The following GLIS3 variants were observed in gnomAD, a reference collection of about 807,000 sequenced individuals.
GLIS3 encodes the protein GLIS family zinc finger 3, also known as zinc finger protein GLIS3.
In GLIS3, 53 loss-of-function variants were observed where a neutral mutation model predicts 78.6. The observed-to-expected ratio is 0.67, with a 90% CI of 0.54 to 0.85. GLIS3 has a LOEUF of 0.85. Ranked by LOEUF, GLIS3 falls within the 40% of genes least tolerant of loss-of-function variation. The pLI is 0.00. For missense variants in GLIS3, 1,703 were observed against 1,231.1 expected, an observed-to-expected ratio of 1.38 and a Z score of -5.74; for synonymous variants, 684 against 509.9, an observed-to-expected ratio of 1.34 and a Z score of -4.60.
At chr9:4,477,440 G>A in the GLIS3 span, among the ~76,000 whole-genome samples, 1 of 151,734 alleles carries the variant, frequency 6.6e-6, no homozygotes, top group Non-Finnish European at 1.5e-5. Flanking sequence ...TTGAGATAGG[G>A]GTCTCTCTTT....
chr9:3,900,168 G>A (rs1352862676), intron 6 of GLIS3, among the ~76,000 whole-genome samples: 1 of 144,500 alleles, frequency 6.9e-6, no homozygotes, highest in Non-Finnish European at 1.5e-5. Context: ...ATAAAGCCTT[G>A]ACTTGAACAG....
intron 4 of GLIS3, among the ~76,000 whole-genome samples, chr9:4,082,093 C>A (rs759274573): frequency 1.3e-5 from 2 of 152,222 alleles, no homozygotes; most frequent in Non-Finnish European, 2.9e-5. Flanking sequence ...ATTTCTAATG[C>A]ACTATGGTGT....
chr9:4,345,864 C>A (rs1357015384), intron 2 of GLIS3, among the ~76,000 whole-genome samples: 1 of 152,064 alleles, frequency 6.6e-6, no homozygotes. Context: ...GTCTTTTTTT[C>A]TTGTTGTTTT....
the GLIS3 span, among the ~76,000 whole-genome samples, chr9:4,484,339 GC>G: frequency 6.8e-6 from 1 of 146,726 alleles, no homozygotes; most frequent in African/African-American, 2.5e-5. Flanking sequence ...CCAAGTTCAA[GC>G]GATTATCCTG....
intron 2 of GLIS3, chr9:4,147,476 A>G (rs957781097): frequency 6.6e-6 from 1 of 152,126 alleles, no homozygotes; most frequent in Non-Finnish European, 1.5e-5. Context: ...TAGATTGTTT[A>G]TATCTTGCCC....
intron 2 of GLIS3, among the ~76,000 whole-genome samples, chr9:4,336,051 C>G (rs1021630850): frequency 6.6e-6 from 1 of 152,166 alleles, no homozygotes; most frequent in Non-Finnish European, 1.5e-5. Flanking sequence ...TAAGTCATTA[C>G]ACCTCTGTGG....
chr9:4,298,482 G>A (rs1816799135), intron 1 of GLIS3: 11 of 447,222 alleles, frequency 2.5e-5, no homozygotes, highest in South Asian at 1.6e-4. Context: ...CAGCTCCAGT[G>A]AGTAACTTGG....
chr9:3,949,858 A>C (rs569040003), intron 4 of GLIS3, among the ~76,000 whole-genome samples: 1 of 152,330 alleles, frequency 6.6e-6, no homozygotes, highest in Admixed American at 6.5e-5. Context: ...TGGATATAAG[A>C]ATCCAATCTG....
chr9:4,465,104 C>T, the GLIS3 span, among the ~76,000 whole-genome samples: 1 of 152,236 alleles, frequency 6.6e-6, no homozygotes, highest in Non-Finnish European at 1.5e-5. Context: ...ATCAACATTT[C>T]CCTCTCTCTT....
At chr9:4,478,343 C>G in the GLIS3 span, among the ~76,000 whole-genome samples, 1,271 of 152,308 alleles carry the variant, frequency 8.3e-3, 19 homozygotes, top group African/African-American at 0.028. Flanking sequence ...CGCAGTGGCT[C>G]AGACCTGTAT....
the GLIS3 span, among the ~76,000 whole-genome samples, chr9:4,353,781 A>G: frequency 1.9e-3 from 286 of 152,250 alleles, 8 homozygotes; most frequent in Admixed American, 0.016. Flanking sequence ...TCTGAATTAT[A>G]TGTGTTGAAC....
chr9:4,361,606 A>G, the GLIS3 span, among the ~76,000 whole-genome samples: 1 of 152,348 alleles, frequency 6.6e-6, no homozygotes, highest in African/African-American at 2.4e-5. Context: ...AAATCCTGGA[A>G]CAGAATCTAA....
Position 3,946,977 on chromosome 9 carries a change from G to A in GLIS3, c.1711-9788C>T, listed in dbSNP as rs185697032. On this transcript the variant is annotated intron_variant, in intron 4 of 10. Coordinates refer to ENST00000381971, the MANE Select transcript of GLIS3 (RefSeq NM_001042413.2). ...AGCAGGTCAAGCAGTTTCCCACGACGCCACGCCTCTGTCGGCCATCCTACA... is the reference window on the plus strand; with the variant it reads ...AGCAGGTCAAGCAGTTTCCCACGACACCACGCCTCTGTCGGCCATCCTACA... 3.8e-4 allele frequency among the ~76,000 whole-genome samples: 54 copies of A among 143,462 alleles called. No homozygotes were observed. In the East Asian group the frequency reaches 0.01, roughly 27 times the overall value. 94.1% of individuals were successfully genotyped at this position (143,462 alleles called of 152,430 possible).
At chr9:3,965,781 T>C (rs1347988253) in intron 4 of GLIS3, among the ~76,000 whole-genome samples, 4 of 152,168 alleles carry the variant, frequency 2.6e-5, no homozygotes, top group South Asian at 2.1e-4. Context: ...AGCTACTTAC[T>C]GGCCACCAAC....
the GLIS3 span, among the ~76,000 whole-genome samples, chr9:4,462,175 T>A: frequency 6.6e-6 from 1 of 152,176 alleles, no homozygotes; most frequent in South Asian, 2.1e-4. Flanking sequence ...AGGAGTCTTG[T>A]CATTTTATAA....
the GLIS3 span, among the ~76,000 whole-genome samples, chr9:4,427,773 C>T: frequency 2.0e-5 from 3 of 151,818 alleles, no homozygotes; most frequent in African/African-American, 2.4e-5. Flanking sequence ...GCACAAGAAT[C>T]GCTTGAATCC....
At chr9:4,260,612 G>A (rs948501158) in intron 2 of GLIS3, among the ~76,000 whole-genome samples, 2 of 151,600 alleles carry the variant, frequency 1.3e-5, no homozygotes, top group Admixed American at 6.6e-5. Flanking sequence ...TGGCCATGGT[G>A]GTGCATACCT....
chr9:3,908,048 G>C lies in GLIS3; in HGVS notation c.1984-9213C>G, dbSNP rs376439249. On this transcript the variant is annotated intron_variant, in intron 6 of 10. Coordinates refer to ENST00000381971, the MANE Select transcript of GLIS3 (RefSeq NM_001042413.2). ...AAGTGGGGTGTTCTGAACCATCCCG[G>C]ATAATACCAAAAGCCTAAGTGTGGA... Among the ~76,000 whole-genome samples the C allele has an allele frequency of 2.6e-4, 39 of 152,262 alleles. No homozygotes were observed. The South Asian group carries it at 3.1e-3, about 12-fold the overall frequency.
chr9:4,024,987 G>T (rs1017205232), intron 4 of GLIS3, among the ~76,000 whole-genome samples: 1 of 152,152 alleles, frequency 6.6e-6, no homozygotes, highest in Non-Finnish European at 1.5e-5. Flanking sequence ...GGTGGCTCAT[G>T]CCTGTAATCC....
Sources: gnomAD v4.1 joint callset for allele counts (sites outside exome capture counted in the v4.1 genomes callset) on GRCh38, gnomAD v4.1.1 for gene constraint, MANE v1.5 for transcripts, NCBI Gene and HGNC (gene_info 2026-07-23, HGNC 2026-07-21) for gene names.